Variants in UIMC1 observed in about 807,000 individuals in gnomAD.
UIMC1 encodes the protein ubiquitin interaction motif containing 1.
UIMC1 carries 42 observed loss-of-function variants against 84.9 expected under a neutral mutation model. The observed-to-expected ratio is 0.49, with a 90% CI of 0.39 to 0.64. UIMC1 has a LOEUF of 0.64. Among genes scored for constraint, UIMC1 ranks in the 30% least tolerant of loss-of-function variants. UIMC1 has a pLI of 0.00. For missense variants in UIMC1, 825 were observed against 847.6 expected, an observed-to-expected ratio of 0.97 and a Z score of 0.33; for synonymous variants, 281 against 293.0, an observed-to-expected ratio of 0.96 and a Z score of 0.42.
At chr5:176,993,409 G>A (rs1383746448) in intron 1 of UIMC1, among the ~76,000 whole-genome samples, 2 of 151,906 alleles carry the variant, frequency 1.3e-5, no homozygotes, top group African/African-American at 4.8e-5. Context: ...GACTGGTCTC[G>A]AACTCCTGGG....
At chr5:176,972,613 G>C (rs901669361) in intron 3 of UIMC1, among the ~76,000 whole-genome samples, 3 of 151,590 alleles carry the variant, frequency 2.0e-5, no homozygotes, top group Admixed American at 2.0e-4. Context: ...GCAGGCGCCT[G>C]TAATCCCAGC....
Position 176,988,141 on chromosome 5 carries a change from A to C in UIMC1, c.-8-5518T>G, listed in dbSNP as rs1035196529. Among the ~76,000 whole-genome samples, 3 of 152,060 alleles carry C rather than the reference A, an allele frequency of 2.0e-5. 1 individual carries two copies. The South Asian group carries it at 6.2e-4, about 32-fold the overall frequency. On this transcript the variant is annotated intron_variant, in intron 1 of 14. Coordinates refer to ENST00000511320, the MANE Select transcript of UIMC1 (RefSeq NM_001199298.2). ...ACTACGCCCCTGTCCAAAAAAAAAA[A>C]AAAAAAAAAACTCAAATCATTAATC...
intron 1 of UIMC1, among the ~76,000 whole-genome samples, chr5:176,986,919 A>G (rs1371863788): frequency 6.6e-6 from 1 of 152,172 alleles, no homozygotes; most frequent in Admixed American, 6.6e-5. Flanking sequence ...ACTAAGAAAC[A>G]CATTAAAAAA....
At chr5:176,930,204 C>G (rs1165299601) in intron 10 of UIMC1, among the ~76,000 whole-genome samples, 1 of 152,138 alleles carries the variant, frequency 6.6e-6, no homozygotes, top group African/African-American at 2.4e-5. Flanking sequence ...CCCCATCCCC[C>G]ACCCCAGAGG....
chr5:176,944,561 C>T (rs902588886), intron 9 of UIMC1, among the ~76,000 whole-genome samples: 4 of 152,198 alleles, frequency 2.6e-5, no homozygotes, highest in Non-Finnish European at 4.4e-5. Context: ...AAGGGACACC[C>T]GGGCTGTCAT....
chr5:176,951,455 T>C lies in UIMC1; in HGVS notation c.1443+19A>G, dbSNP rs73341862. 1.8e-3 allele frequency: 2,660 copies of C among 1,497,388 alleles called. 38 individuals are homozygous for C. In the African/African-American group the frequency reaches 0.031, roughly 18 times the overall value. 92.8% of individuals were successfully genotyped at this position (1,497,388 alleles called of 1,614,324 possible). A position where few individuals can be genotyped will look rare whatever the true frequency, so the allele number is the denominator to read the frequency against. The stretch of plus-strand genomic sequence containing the variant: ...ACGGAAAGAAACCACTGAGAAAAAA[T>C]ATAGAGGAAAATATTCACCTCCTTA... On this transcript the variant is annotated intron_variant, in intron 9 of 14. Coordinates refer to ENST00000511320, the MANE Select transcript of UIMC1 (RefSeq NM_001199298.2).
chr5:176,980,482 A>AT (rs1340851158), intron 2 of UIMC1, among the ~76,000 whole-genome samples: 1 of 151,916 alleles, frequency 6.6e-6, no homozygotes, highest in South Asian at 2.1e-4. Flanking sequence ...TATGCACAAA[A>AT]TTTTTTTTCC....
At chr5:176,983,811 G>A (rs1325911351) in intron 1 of UIMC1, among the ~76,000 whole-genome samples, 10 of 146,890 alleles carry the variant, frequency 6.8e-5, no homozygotes, top group East Asian at 2.1e-4. Context: ...GCCGCCCATC[G>A]TCTTGGATGT....
At chr5:176,909,549 C>G (rs898465350) in intron 11 of UIMC1, among the ~76,000 whole-genome samples, 3 of 151,988 alleles carry the variant, frequency 2.0e-5, no homozygotes, top group Non-Finnish European at 4.4e-5. Flanking sequence ...TTTTAAGAAG[C>G]TAAAAAAATT....
At chr5:176,953,882 C>T (rs1284117787) in intron 8 of UIMC1, among the ~76,000 whole-genome samples, 1 of 152,140 alleles carries the variant, frequency 6.6e-6, no homozygotes, top group East Asian at 1.9e-4. Flanking sequence ...CAGTCTACTA[C>T]ACTAAATATG....
chr5:176,908,878 C>A (rs114224459), intron 11 of UIMC1, among the ~76,000 whole-genome samples, 184 bp from the exon 12 acceptor site: 83 of 152,328 alleles, frequency 5.4e-4, no homozygotes, highest in African/African-American at 1.9e-3. Context: ...ATCAAAAGGA[C>A]TGAGTGATTA....
chr5:176,928,373 C>G lies in UIMC1; in HGVS notation c.1597+14962G>C, dbSNP rs539434251. Among the ~76,000 whole-genome samples the G allele has an allele frequency of 4.6e-5, 7 of 152,180 alleles. No individual in the cohort carries two copies. The South Asian group carries it at 1.5e-3, about 32-fold the overall frequency. On this transcript the variant is annotated intron_variant, in intron 10 of 14. Transcript: ENST00000511320. Reference sequence around the variant, plus strand: ...TAAGAGTACATTTTCTGAGGGCCTACCTGCACAATACTATATTAGATACTA... The same window carrying G: ...TAAGAGTACATTTTCTGAGGGCCTAGCTGCACAATACTATATTAGATACTA...
chr5:177,001,877 G>C (rs1430782699), intron 1 of UIMC1: 6 of 149,814 alleles, frequency 4.0e-5, no homozygotes, highest in Non-Finnish European at 7.4e-5. Flanking sequence ...GTGAACCCGG[G>C]AGGCGGAGCT....
At chr5:176,910,829 G>A (rs774490963) in intron 11 of UIMC1, among the ~76,000 whole-genome samples, 9 of 152,162 alleles carry the variant, frequency 5.9e-5, no homozygotes, top group South Asian at 4.1e-4. Flanking sequence ...AGTGGCTCAC[G>A]CCTGTAATCC....
chr5:177,010,765 C>T (rs756403013), upstream of UIMC1, among the ~76,000 whole-genome samples: 3 of 152,090 alleles, frequency 2.0e-5, no homozygotes, highest in Non-Finnish European at 2.9e-5. Context: ...TCAGGTAAGC[C>T]GCCTGCCTCG....
chr5:176,964,148 A>G (rs950056982), intron 6 of UIMC1, among the ~76,000 whole-genome samples: 24 of 152,244 alleles, frequency 1.6e-4, no homozygotes, highest in African/African-American at 5.8e-4. Flanking sequence ...TCTCAAATAC[A>G]GGCAGCTCCA....
intron 2 of UIMC1, among the ~76,000 whole-genome samples, chr5:176,979,085 C>T (rs1370852814): frequency 6.6e-6 from 1 of 152,034 alleles, no homozygotes; most frequent in Non-Finnish European, 1.5e-5. Flanking sequence ...AAATATGTGA[C>T]AGATTAACGG....
intron 1 of UIMC1, among the ~76,000 whole-genome samples, chr5:177,015,266 G>C (rs1017298331): frequency 2.0e-5 from 3 of 152,120 alleles, no homozygotes; most frequent in Admixed American, 1.3e-4. Context: ...AAATGTTAAG[G>C]AATTTACCTA....
chr5:176,970,952 C>A, intron 3 of UIMC1, 86 bp from the exon 4 acceptor site: 1 of 1,495,246 alleles, frequency 6.7e-7, no homozygotes, highest in South Asian at 1.3e-5. Flanking sequence ...TTAAACTTTT[C>A]AACTGAAGAC....
Sources: gnomAD v4.1 joint callset for allele counts (sites outside exome capture counted in the v4.1 genomes callset) on GRCh38, gnomAD v4.1.1 for gene constraint, MANE v1.5 for transcripts, NCBI Gene and HGNC (gene_info 2026-07-23, HGNC 2026-07-21) for gene names.